COBLL1: variants seen among roughly 807,000 people sequenced by gnomAD.
COBLL1 encodes the protein cordon-bleu protein-like 1.
Under a neutral mutation model 94.8 loss-of-function variants are expected in COBLL1, and 50 were observed. The observed-to-expected ratio is 0.53, with a 90% CI of 0.42 to 0.67. The LOEUF (loss-of-function observed/expected upper bound fraction) is 0.67, where lower values mean the gene tolerates loss of function less well. COBLL1 is among the 30% of genes least tolerant of loss of function. The probability of loss-of-function intolerance (pLI) is 0.00; values close to 1 mark genes in which losing one functional copy is unlikely to be tolerated. For synonymous variants in COBLL1, 448 were observed against 473.8 expected (o/e 0.95, Z 0.71); for missense variants, 1,362 against 1,348.7 (o/e 1.01, Z -0.15).
chr2:164,818,174 G>A (rs536457048), intron 2 of COBLL1, among the ~76,000 whole-genome samples: 7 of 147,666 alleles, frequency 4.7e-5, no homozygotes, highest in South Asian at 4.4e-4. Flanking sequence ...ATACATGCAC[G>A]TATACACGTA....
At chr2:164,779,803 A>G (rs533042051) in intron 2 of COBLL1, 1 of 467,868 alleles carries the variant, frequency 2.1e-6, no homozygotes, top group South Asian at 1.6e-5. Context: ...GAAAGAGAAG[A>G]CTTAAGATGA....
At chr2:164,759,812 C>T (rs1423747540) in intron 2 of COBLL1, among the ~76,000 whole-genome samples, 1 of 152,172 alleles carries the variant, frequency 6.6e-6, no homozygotes, top group Non-Finnish European at 1.5e-5. Flanking sequence ...ATAGGTTTAA[C>T]AACATTATCT....
chr2:164,815,286 C>T (rs1248247501), intron 2 of COBLL1, among the ~76,000 whole-genome samples: 2 of 151,884 alleles, frequency 1.3e-5, no homozygotes, highest in Non-Finnish European at 2.9e-5. Flanking sequence ...GGAATCCCAG[C>T]TCCTTGGGTG....
At chr2:164,799,353 A>C (rs1231607419) in intron 2 of COBLL1, among the ~76,000 whole-genome samples, 1 of 152,176 alleles carries the variant, frequency 6.6e-6, no homozygotes, top group African/African-American at 2.4e-5. Context: ...AATAGCAATA[A>C]ACAACTTTTA....
At chr2:164,706,175 G>C (rs1174404875) in intron 7 of COBLL1, among the ~76,000 whole-genome samples, 1 of 152,170 alleles carries the variant, frequency 6.6e-6, no homozygotes, top group Non-Finnish European at 1.5e-5. Flanking sequence ...CAAAGACCTT[G>C]ACTATGAAGA....
chr2:164,659,780 A>AT (rs960003065), intron 2 of COBLL1, among the ~76,000 whole-genome samples: 15 of 151,954 alleles, frequency 9.9e-5, no homozygotes, highest in South Asian at 6.2e-4. Flanking sequence ...TTTATTCTGG[A>AT]TTTTTTTTCT....
At position 164,832,381 on chromosome 2, in the gene COBLL1, G is replaced by A. The variant is rs549843466; in HGVS notation, c.41+8775C>T. Among the ~76,000 whole-genome samples the A allele has an allele frequency of 8.5e-5, 13 of 152,246 alleles. No individual in the cohort carries two copies. The South Asian group carries it at 2.7e-3, about 32-fold the overall frequency. ...GTTAATCCCTCAAATTAATCACACT[G>A]AGAAACAATGTAATTTTTCTAATGA... On this transcript the variant is annotated intron_variant, in intron 2 of 13. Coordinates refer to ENST00000652658, the MANE Select transcript of COBLL1 (RefSeq NM_001365672.2).
At chr2:164,727,182 G>A (rs1574479638) in intron 5 of COBLL1, 4 of 1,227,058 alleles carry the variant, frequency 3.3e-6, no homozygotes, top group South Asian at 1.5e-5. Context: ...TAAATTGACT[G>A]TGAAGATGAT....
chr2:164,831,685 C>T (rs558810744), intron 2 of COBLL1, among the ~76,000 whole-genome samples: 1 of 151,994 alleles, frequency 6.6e-6, no homozygotes, highest in East Asian at 1.9e-4. Context: ...AACTGAATCA[C>T]GGATACCTGA....
At chr2:164,718,999 C>G (rs1016440300) in intron 7 of COBLL1, among the ~76,000 whole-genome samples, 7 of 151,738 alleles carry the variant, frequency 4.6e-5, no homozygotes, top group African/African-American at 1.7e-4. Context: ...TGACAACAAG[C>G]TATGCAAAAT....
Position 164,694,708 on chromosome 2 carries a change from G to A in COBLL1, c.2684C>T (p.Ala895Val). The A allele has an allele frequency of 6.2e-7, 1 of 1,613,824 alleles. No individual in the cohort carries two copies. Among genetic ancestry groups the A allele is most frequent in the Non-Finnish European group, 8.5e-7 (1 of 1,179,934 alleles). ...AKSVHAAPNP[A>V]PKELTNKEAE... ...CTCTTTATTTGTCAGTTCTTTTGGA[G>A]CAGGATTAGGGGCAGCATGGACACT... Residue 895 changes from alanine (A) to valine (V), a missense_variant, in exon 12 of 14, where the codon GCT (alanine) becomes GTT (valine). Coordinates refer to ENST00000652658, the MANE Select transcript of COBLL1 (RefSeq NM_001365672.2).
At chr2:164,835,153 T>C (rs1683261031) in intron 2 of COBLL1, among the ~76,000 whole-genome samples, 2 of 152,102 alleles carry the variant, frequency 1.3e-5, no homozygotes, top group African/African-American at 4.8e-5. Context: ...GATCCAGACT[T>C]TCTATTTCTA....
intron 2 of COBLL1, among the ~76,000 whole-genome samples, chr2:164,796,177 T>C (rs718573): frequency 0.36 from 54,237 of 151,942 alleles, 9,893 homozygotes; most frequent in Admixed American, 0.41. Flanking sequence ...TATCTTGATC[T>C]CCTGAAAAAA....
intron 2 of COBLL1, among the ~76,000 whole-genome samples, chr2:164,748,262 A>G (rs1252144027): frequency 6.6e-6 from 1 of 152,190 alleles, no homozygotes; most frequent in African/African-American, 2.4e-5. Context: ...CCTGAATCCT[A>G]AGTAGCTTTA....
At chr2:164,738,139 C>G (rs1419149089) in intron 3 of COBLL1, 1 of 152,154 alleles carries the variant, frequency 6.6e-6, no homozygotes, top group Non-Finnish European at 1.5e-5. Context: ...AAAGAAATAT[C>G]TTCCTCTGTT....
At chr2:164,710,136 TAATAAAAATCA>T (rs936964423) in intron 7 of COBLL1, among the ~76,000 whole-genome samples, 3 of 152,204 alleles carry the variant, frequency 2.0e-5, no homozygotes, top group African/African-American at 7.2e-5. Flanking sequence ...GAAGTTAAGA[TAATAAAAATCA>T]AATAAAAATC....
intron 2 of COBLL1, among the ~76,000 whole-genome samples, chr2:164,788,582 T>C (rs1683004789): frequency 6.6e-6 from 1 of 152,154 alleles, no homozygotes; most frequent in African/African-American, 2.4e-5. Context: ...AGTGACATGT[T>C]TGGTAAAAGT....
chr2:164,807,536 T>G (rs1025615245), intron 2 of COBLL1, among the ~76,000 whole-genome samples: 7 of 152,158 alleles, frequency 4.6e-5, no homozygotes, highest in Non-Finnish European at 4.4e-5. Context: ...TCTCCATATA[T>G]TTGTTTTGTT....
Position 164,685,797 on chromosome 2 carries a change from C to A in COBLL1, c.*149G>T, listed in dbSNP as rs1200236191. The A allele has an allele frequency of 2.1e-4, 87 of 412,230 alleles. 1 individual carries two copies. Among genetic ancestry groups the A allele is most frequent in the Non-Finnish European group, 8.7e-6 (2 of 229,158 alleles). The allele number at this position is 412,230 out of a possible 1,614,324, so 25.5% of individuals were successfully genotyped here. A position where few individuals can be genotyped will look rare whatever the true frequency, so the allele number is the denominator to read the frequency against. ...TAAATTATAAATTCTGGTAACTTTT[C>A]TTCTGGCATTAAAAGCCACAACACA... On this transcript the variant is annotated 3_prime_UTR_variant, in exon 14 of 14. Coordinates refer to ENST00000652658, the MANE Select transcript of COBLL1 (RefSeq NM_001365672.2).
Sources: allele counts gnomAD v4.1 joint callset (sites outside exome capture counted in the v4.1 genomes callset), GRCh38; gene constraint gnomAD v4.1.1; transcripts MANE v1.5; gene names NCBI Gene and HGNC (gene_info 2026-07-23, HGNC 2026-07-21).